The following WFDC3 variants were observed in gnomAD, a reference collection of about 807,000 sequenced individuals.
The protein encoded by WFDC3 is WAP four-disulfide core domain protein 3.
Under a neutral mutation model 25.8 loss-of-function variants are expected in WFDC3, and 15 were observed. The observed-to-expected ratio is 0.58, with a 90% CI of 0.39 to 0.89. WFDC3 has a LOEUF of 0.89. Among genes scored for constraint, WFDC3 ranks in the 40% least tolerant of loss-of-function variants. WFDC3 has a pLI of 0.00. For synonymous variants in WFDC3, 103 were observed against 107.1 expected, an observed-to-expected ratio of 0.96 and a Z score of 0.24; for missense variants, 264 against 289.8, an observed-to-expected ratio of 0.91 and a Z score of 0.65.
At chr20:45,783,937 C>G (rs1893023574) in intron 4 of WFDC3, among the ~76,000 whole-genome samples, 1 of 152,176 alleles carries the variant, frequency 6.6e-6, no homozygotes, top group Admixed American at 6.5e-5. Flanking sequence ...TCCCACCAGG[C>G]TAGGAACCCC....
intron 3 of WFDC3, 191 bp from the exon 4 acceptor site, chr20:45,788,173 C>T (rs1416916105): frequency 2.2e-6 from 1 of 448,884 alleles, no homozygotes; most frequent in Non-Finnish European, 3.8e-6. Flanking sequence ...GGTGGTGGCA[C>T]ATGCCTGTAA....
intron 1 of WFDC3, 66 bp from the exon 2 acceptor site, chr20:45,790,048 G>T: frequency 7.6e-7 from 1 of 1,310,308 alleles, no homozygotes; most frequent in Non-Finnish European, 1.1e-6. Flanking sequence ...TATCAGCTGA[G>T]GTATGAGCAG....
chr20:45,789,604 C>T (rs1002189969), intron 2 of WFDC3, among the ~76,000 whole-genome samples: 4 of 151,898 alleles, frequency 2.6e-5, no homozygotes, highest in Admixed American at 1.3e-4. Context: ...CTGCAGATAA[C>T]GAGAGAGAAA....
chr20:45,786,006 G>A (rs1238722734), intron 4 of WFDC3, among the ~76,000 whole-genome samples: 1 of 152,064 alleles, frequency 6.6e-6, no homozygotes, highest in Non-Finnish European at 1.5e-5. Flanking sequence ...CTCTCTCCCT[G>A]GAATGTCCAT....
At chr20:45,790,935 T>A (rs1254796214) in intron 1 of WFDC3, 1 of 470,832 alleles carries the variant, frequency 2.1e-6, no homozygotes, top group African/African-American at 2.0e-5. Context: ...TATACCTCCT[T>A]TATTTCTTTT....
intron 4 of WFDC3, among the ~76,000 whole-genome samples, chr20:45,780,868 G>C (rs1174050958): frequency 6.6e-6 from 1 of 152,156 alleles, no homozygotes; most frequent in African/African-American, 2.4e-5. Context: ...CAACTAGAGA[G>C]AGGGATTGGC....
intron 1 of WFDC3, chr20:45,790,193 C>T (rs74740895): frequency 4.0e-6 from 2 of 499,284 alleles, no homozygotes; most frequent in African/African-American, 2.0e-5. Flanking sequence ...CAAAGGGGAC[C>T]TGTGATGGGA....
intron 1 of WFDC3, chr20:45,790,820 C>T: frequency 2.3e-6 from 1 of 439,812 alleles, no homozygotes; most frequent in Non-Finnish European, 4.7e-6. Flanking sequence ...CAAACACCTA[C>T]ATCTTTGTCC....
intron 5 of WFDC3, among the ~76,000 whole-genome samples, chr20:45,776,357 C>T (rs1980156470): frequency 7.1e-6 from 1 of 141,098 alleles, no homozygotes; most frequent in Admixed American, 7.4e-5. Flanking sequence ...CCTGTAATTC[C>T]AGCACTTTGG....
chr20:45,779,281 G>A (rs1319565427), intron 4 of WFDC3, among the ~76,000 whole-genome samples: 6 of 152,130 alleles, frequency 3.9e-5, no homozygotes, highest in South Asian at 2.1e-4. Flanking sequence ...TAAAGATTTC[G>A]CAGAAAACCA....
chr20:45,787,923 T>G lies in WFDC3; in HGVS notation c.271A>C (p.Thr91Pro), dbSNP rs1488702168. Residue 91 changes from threonine (T) to proline (P), a missense_variant, in exon 4 of 7, where the codon ACT becomes CCT. Coordinates refer to ENST00000243938, the MANE Select transcript of WFDC3 (RefSeq NM_080614.2). ...RKQSCLKRCI[T>P]DETCPGVKKC... Reference sequence around the variant, plus strand: ...TTTACACCTGGACATGTCTCATCAGTGATGCACCTTTTCAAACAGGATTGT... The same window carrying G: ...TTTACACCTGGACATGTCTCATCAGGGATGCACCTTTTCAAACAGGATTGT... 6.2e-7 allele frequency: 1 copy of G among 1,614,032 alleles called. No individual in the cohort carries two copies. The highest frequency in any genetic ancestry group is 2.2e-5 in the East Asian group (1 of 44,878).
chr20:45,776,066 G>A (rs1348078999), intron 5 of WFDC3, among the ~76,000 whole-genome samples: 1 of 152,128 alleles, frequency 6.6e-6, no homozygotes, highest in East Asian at 1.9e-4. Flanking sequence ...TTATTTAAAA[G>A]GAATATGTCT....
chr20:45,778,852 T>A (rs1341498324), intron 4 of WFDC3: 1 of 145,952 alleles, frequency 6.9e-6, no homozygotes, highest in Non-Finnish European at 1.5e-5. Flanking sequence ...AATGTAAATG[T>A]AAAAAAAAAA....
At chr20:45,787,282 CTTTTTTTTTTTTTTTTTT>C (rs1158318114) in intron 4 of WFDC3, among the ~76,000 whole-genome samples, 1 of 73,686 alleles carries the variant, frequency 1.4e-5, no homozygotes, top group Non-Finnish European at 2.7e-5. Flanking sequence ...TTTCTTTTTT[CTTTTTTTTTTTTTTTTTT>C]TTTTTTTTGA....
chr20:45,791,369 T>C (rs1311356382), intron 1 of WFDC3, among the ~76,000 whole-genome samples: 2 of 148,462 alleles, frequency 1.3e-5, no homozygotes, highest in African/African-American at 5.0e-5. Flanking sequence ...TGATCTCGGC[T>C]CACTGCAACC....
intron 6 of WFDC3, among the ~76,000 whole-genome samples, 188 bp from the exon 7 acceptor site, chr20:45,774,632 A>T (rs552111706): frequency 5.3e-5 from 8 of 152,282 alleles, no homozygotes. Flanking sequence ...TCAACCTTGT[A>T]TCTCCTGTTA....
intron 5 of WFDC3, 141 bp downstream of exon 5, chr20:45,776,934 G>T: frequency 7.4e-7 from 1 of 1,359,290 alleles, no homozygotes; most frequent in East Asian, 2.5e-5. Context: ...AGGGCCCCTC[G>T]GCCCTAGAAG....
intron 2 of WFDC3, 146 bp from the exon 3 acceptor site, chr20:45,789,205 TAA>T (rs11478994): frequency 0.13 from 95,997 of 765,418 alleles, 1 homozygote; most frequent in Non-Finnish European, 0.14. Flanking sequence ...CCCTGTCTCT[TAA>T]AAAAAAAAAA....
chr20:45,788,795 A>G, intron 3 of WFDC3, 136 bp downstream of exon 3: 1 of 1,251,420 alleles, frequency 8.0e-7, no homozygotes, highest in Non-Finnish European at 1.1e-6. Flanking sequence ...AGGGACCCTA[A>G]AAGAGTAAAG....
Sources: allele counts gnomAD v4.1 joint callset (sites outside exome capture counted in the v4.1 genomes callset), GRCh38; gene constraint gnomAD v4.1.1; transcripts MANE v1.5; gene names NCBI Gene and HGNC (gene_info 2026-07-23, HGNC 2026-07-21).